Variants in TPRG1 observed in about 807,000 individuals in gnomAD.
TPRG1 encodes tumor protein p63-regulated gene 1 protein.
Under a neutral mutation model 29.3 loss-of-function variants are expected in TPRG1, and 29 were observed. That is an observed-to-expected ratio of 0.99 (90% CI 0.74 to 1.35). TPRG1 has a LOEUF of 1.35. TPRG1 is among the 40% of genes most tolerant of loss of function. The pLI, the probability that TPRG1 is intolerant of heterozygous loss-of-function variation, is 0.00. For synonymous variants in TPRG1, 130 were observed against 116.8 expected (o/e 1.11, Z -0.73); for missense variants, 327 against 335.0 (o/e 0.98, Z 0.19).
intron 1 of TPRG1, among the ~76,000 whole-genome samples, chr3:189,126,709 G>GGAC (rs969059966): frequency 3.3e-5 from 5 of 152,138 alleles, no homozygotes; most frequent in African/African-American, 1.2e-4. Context: ...AATGGAAATT[G>GGAC]GACCTCCAAA....
chr3:189,152,464 T>G (rs1225462299), intron 5 of TPRG1, among the ~76,000 whole-genome samples: 2 of 152,184 alleles, frequency 1.3e-5, no homozygotes, highest in Non-Finnish European at 2.9e-5. Flanking sequence ...AAGGGATGTG[T>G]GATGGTGGGA....
At chr3:189,275,694 A>G (rs1716019266) in intron 4 of TPRG1, among the ~76,000 whole-genome samples, 1 of 152,072 alleles carries the variant, frequency 6.6e-6, no homozygotes, top group Non-Finnish European at 1.5e-5. Context: ...AGAGGCTTTG[A>G]ATGCCAGTGT....
chr3:189,286,042 A>G (rs1292860391), intron 4 of TPRG1, among the ~76,000 whole-genome samples: 1 of 152,076 alleles, frequency 6.6e-6, no homozygotes, highest in South Asian at 2.1e-4. Flanking sequence ...CTTAATTTGT[A>G]CAATTTACCT....
At chr3:189,005,979 G>T (rs1485351545) in intron 3 of TPRG1, among the ~76,000 whole-genome samples, 1 of 152,036 alleles carries the variant, frequency 6.6e-6, no homozygotes, top group Non-Finnish European at 1.5e-5. Context: ...ATCAATAGCA[G>T]TAGTAATGGT....
intron 4 of TPRG1, among the ~76,000 whole-genome samples, chr3:189,069,422 T>C (rs979493127): frequency 2.0e-5 from 3 of 152,194 alleles, no homozygotes; most frequent in Non-Finnish European, 4.4e-5. Context: ...GGAACTGTTC[T>C]GTATCTTGAC....
chr3:189,263,070 T>C lies in TPRG1; in HGVS notation c.479+24161T>C, dbSNP rs938756965. ...ACATCTCTGCACTTCTGCCACATTC[T>C]GTGTCATAGATGCAAGTCACTAAAT... On this transcript the variant is annotated intron_variant, in intron 4 of 5. Coordinates refer to ENST00000345063, the MANE Select transcript of TPRG1 (RefSeq NM_198485.4). Among the ~76,000 whole-genome samples the C allele has an allele frequency of 6.6e-5, 10 of 152,382 alleles. 1 individual carries two copies. In the East Asian group the frequency reaches 1.7e-3, roughly 26 times the overall value.
intron 4 of TPRG1, among the ~76,000 whole-genome samples, chr3:189,258,176 T>A (rs1427214547): frequency 1.3e-5 from 2 of 152,162 alleles, no homozygotes; most frequent in Admixed American, 6.5e-5. Flanking sequence ...GACCTTCAGA[T>A]GGAGTTTTTG....
chr3:189,315,667 G>T (rs1019720576), intron 5 of TPRG1: 5 of 318,936 alleles, frequency 1.6e-5, no homozygotes, highest in Non-Finnish European at 2.5e-5. Flanking sequence ...CAATGTTTTA[G>T]CAATTAAATT....
chr3:189,142,607 C>A (rs1347190767), intron 3 of TPRG1, among the ~76,000 whole-genome samples: 1 of 152,166 alleles, frequency 6.6e-6, no homozygotes, highest in Non-Finnish European at 1.5e-5. Context: ...AGTGAGGGGT[C>A]AGCAGCTTCT....
chr3:189,041,085 G>A (rs116513709), intron 4 of TPRG1, among the ~76,000 whole-genome samples: 141 of 152,254 alleles, frequency 9.3e-4, no homozygotes, highest in African/African-American at 3.2e-3. Context: ...TCTAGATTTG[G>A]TGAAAGGAAA....
chr3:189,141,927 G>C (rs1251699454), intron 3 of TPRG1, among the ~76,000 whole-genome samples: 1 of 152,170 alleles, frequency 6.6e-6, no homozygotes, highest in African/African-American at 2.4e-5. Context: ...CCTCCAAGTG[G>C]TATTTAAGTG....
intron 4 of TPRG1, among the ~76,000 whole-genome samples, chr3:189,041,507 A>C (rs1714633820): frequency 6.6e-6 from 1 of 152,144 alleles, no homozygotes; most frequent in Non-Finnish European, 1.5e-5. Flanking sequence ...TAAGCACTCA[A>C]TGTGTGGGAG....
At chr3:189,077,487 A>G (rs575553743) in intron 4 of TPRG1, among the ~76,000 whole-genome samples, 2 of 152,252 alleles carry the variant, frequency 1.3e-5, no homozygotes, top group South Asian at 4.2e-4. Context: ...GCCTCTTTAG[A>G]AAAGATTGAG....
At chr3:189,244,792 G>A (rs965443924) in intron 4 of TPRG1, among the ~76,000 whole-genome samples, 4 of 152,102 alleles carry the variant, frequency 2.6e-5, no homozygotes, top group East Asian at 1.9e-4. Context: ...AGTGATCTGT[G>A]TCTTCCCTCT....
At chr3:189,145,359 T>TAAAAAAAAAAAAAAAAAAAA (rs58210295) in intron 3 of TPRG1, among the ~76,000 whole-genome samples, 1 of 107,394 alleles carries the variant, frequency 9.3e-6, no homozygotes, top group Admixed American at 1.1e-4. Flanking sequence ...AGACTCCATC[T>TAAAAAAAAAAAAAAAAAAAA]AAAAAAAAAA....
chr3:189,057,266 G>A (rs907168698), intron 4 of TPRG1, among the ~76,000 whole-genome samples: 2 of 152,176 alleles, frequency 1.3e-5, no homozygotes, highest in South Asian at 4.1e-4. Context: ...GCCATGAGGT[G>A]CTTGCTCACG....
At chr3:189,153,629 T>C (rs568843902) in intron 5 of TPRG1, among the ~76,000 whole-genome samples, 146 of 152,238 alleles carry the variant, frequency 9.6e-4, no homozygotes, top group Non-Finnish European at 1.6e-3. Flanking sequence ...TGTAAACTGT[T>C]AGCTGCAGCA....
At chr3:189,205,943 C>T (rs1029261601) in intron 1 of TPRG1, among the ~76,000 whole-genome samples, 3 of 151,864 alleles carry the variant, frequency 2.0e-5, no homozygotes, top group Non-Finnish European at 4.4e-5. Context: ...TCTTTTCAGG[C>T]CCTCTTTTTA....
At chr3:189,278,780 G>T (rs569529808) in intron 4 of TPRG1, among the ~76,000 whole-genome samples, 1 of 152,288 alleles carries the variant, frequency 6.6e-6, no homozygotes, top group East Asian at 1.9e-4. Context: ...TGACAGCCAT[G>T]TCCTGGAATT....
Sources: allele counts gnomAD v4.1 joint callset (sites outside exome capture counted in the v4.1 genomes callset), GRCh38; gene constraint gnomAD v4.1.1; transcripts MANE v1.5; gene names NCBI Gene and HGNC (gene_info 2026-07-23, HGNC 2026-07-21).